The following ABHD12 variants were observed in gnomAD, a reference collection of about 807,000 sequenced individuals.
The protein encoded by ABHD12 is abhydrolase domain containing 12, lysophospholipase, also known as lysophosphatidylserine lipase ABHD12.
A neutral mutation model predicts 58.3 loss-of-function variants in ABHD12; 43 were observed. The ratio of observed to expected loss-of-function variants is 0.74; its 90% CI spans 0.58 to 0.95. The LOEUF is 0.95. Ranked by LOEUF, ABHD12 falls within the 40% of genes least tolerant of loss-of-function variation. The pLI, the probability that ABHD12 is intolerant of heterozygous loss-of-function variation, is 0.00. For missense variants in ABHD12, 539 were observed against 537.2 expected, an observed-to-expected ratio of 1.00 and a Z score of -0.03; for synonymous variants, 219 against 211.2, an observed-to-expected ratio of 1.04 and a Z score of -0.32.
chr20:25,310,046 G>A (rs1346027219), intron 6 of ABHD12, among the ~76,000 whole-genome samples: 1 of 152,170 alleles, frequency 6.6e-6, no homozygotes, highest in Non-Finnish European at 1.5e-5. Flanking sequence ...TGAGGTCTAA[G>A]GCAGTGAAAG....
chr20:25,367,277 G>A (rs1250215434), intron 1 of ABHD12, among the ~76,000 whole-genome samples: 1 of 152,108 alleles, frequency 6.6e-6, no homozygotes, highest in Non-Finnish European at 1.5e-5. Flanking sequence ...GTGTTCATAC[G>A]GTGACATGGA....
intron 11 of ABHD12, chr20:25,303,195 T>C: frequency 2.5e-6 from 3 of 1,189,154 alleles, no homozygotes; most frequent in Non-Finnish European, 3.2e-6. Flanking sequence ...CCATAACTGA[T>C]GAGCCCTTCC....
At chr20:25,375,561 C>T (rs576840969) in intron 1 of ABHD12, among the ~76,000 whole-genome samples, 1 of 152,280 alleles carries the variant, frequency 6.6e-6, no homozygotes, top group Admixed American at 6.5e-5. Flanking sequence ...ATTCTCAGCT[C>T]CACACCCACA....
chr20:25,368,692 G>A, intron 1 of ABHD12: 1 of 1,365,804 alleles, frequency 7.3e-7, no homozygotes, highest in East Asian at 2.4e-5. Flanking sequence ...AATCTTGTCT[G>A]CAAACAGGTT....
chr20:25,298,126 C>T (rs2088579293), downstream of ABHD12: 1 of 152,244 alleles, frequency 6.6e-6, no homozygotes, highest in Non-Finnish European at 1.5e-5. Context: ...AGGGATGAGA[C>T]CTGCAAGTGG....
intron 1 of ABHD12, among the ~76,000 whole-genome samples, chr20:25,373,345 A>C (rs959015688): frequency 6.6e-6 from 1 of 152,148 alleles, no homozygotes; most frequent in East Asian, 1.9e-4. Context: ...TCAGGAGTTC[A>C]AGACCGGCCT....
chr20:25,313,083 G>A (rs1418891545), intron 6 of ABHD12, among the ~76,000 whole-genome samples: 3 of 152,260 alleles, frequency 2.0e-5, no homozygotes, highest in Non-Finnish European at 2.9e-5. Context: ...TCTGGGAGGT[G>A]TACCCAACAG....
chr20:25,384,853 G>C (rs1356640770), intron 1 of ABHD12, among the ~76,000 whole-genome samples: 1 of 152,202 alleles, frequency 6.6e-6, no homozygotes, highest in Non-Finnish European at 1.5e-5. Flanking sequence ...ACAGGACAGG[G>C]TGTGGTAGCT....
intron 1 of ABHD12, among the ~76,000 whole-genome samples, chr20:25,353,595 T>C (rs887081309): frequency 6.6e-6 from 1 of 152,160 alleles, no homozygotes; most frequent in Non-Finnish European, 1.5e-5. Context: ...GGGCTGCTGC[T>C]GGGTTCACTT....
intron 2 of ABHD12, among the ~76,000 whole-genome samples, chr20:25,325,839 G>A (rs988602620): frequency 6.6e-6 from 1 of 152,150 alleles, no homozygotes; most frequent in African/African-American, 2.4e-5. Flanking sequence ...GGGAGGCCGA[G>A]GCAGGTGGAT....
downstream of ABHD12, chr20:25,297,612 T>C (rs1232136679): frequency 2.6e-5 from 4 of 152,360 alleles, no homozygotes. Context: ...CCTCACAGCC[T>C]TGCCCCTCCC....
At chr20:25,368,628 A>G in intron 1 of ABHD12, 1 of 1,374,846 alleles carries the variant, frequency 7.3e-7, no homozygotes, top group Non-Finnish European at 1.0e-6. Flanking sequence ...AACCCTTAAA[A>G]CCAAATCCTT....
chr20:25,327,008 C>T (rs570438892), intron 2 of ABHD12, among the ~76,000 whole-genome samples: 1 of 152,326 alleles, frequency 6.6e-6, no homozygotes, highest in Admixed American at 6.5e-5. Flanking sequence ...GGATCCCCAG[C>T]CATGCCTGTG....
downstream of ABHD12, among the ~76,000 whole-genome samples, chr20:25,296,201 G>C (rs151223737): frequency 3.3e-5 from 5 of 152,254 alleles, no homozygotes; most frequent in East Asian, 9.7e-4. Context: ...TTCCTGGTCC[G>C]TGGGGTCCCC....
At chr20:25,326,065 T>C (rs1232510120) in intron 2 of ABHD12, among the ~76,000 whole-genome samples, 2 of 125,524 alleles carry the variant, frequency 1.6e-5, no homozygotes, top group Admixed American at 1.9e-4. Context: ...AGTGAGACTC[T>C]GTCCAAAAAA....
chr20:25,314,954 C>T lies in ABHD12; in HGVS notation c.590G>A (p.Gly197Asp), dbSNP rs192637712. Residue 197 changes from glycine to aspartate, a missense_variant, in exon 6 of 13, where the codon GGT becomes GAT. Gly to Asp is a moderately conservative substitution (Grantham distance 94). Coordinates refer to ENST00000339157, the MANE Select transcript of ABHD12 (RefSeq NM_001042472.3). ...VELYKVLSSLGYHVVTFDYRG... is the reference protein window; with the variant it reads ...VELYKVLSSLDYHVVTFDYRG... ...GTAGTCAAAGGTGACCACATGGTAACCAAGGGAACTCAGCACCTGTAAAGT... is the reference window on the plus strand; with the variant it reads ...GTAGTCAAAGGTGACCACATGGTAATCAAGGGAACTCAGCACCTGTAAAGT... The T allele has an allele frequency of 6.2e-7, 1 of 1,614,188 alleles. No individual in the cohort carries two copies. Among genetic ancestry groups the T allele is most frequent in the African/African-American group, 1.3e-5 (1 of 75,056 alleles).
chr20:25,313,784 G>GCAAAACCAAAAC (rs59829383), intron 6 of ABHD12, among the ~76,000 whole-genome samples: 25 of 149,410 alleles, frequency 1.7e-4, no homozygotes, highest in African/African-American at 5.4e-4. Flanking sequence ...CTGTCTCAAA[G>GCAAAACCAAAAC]CAAAACCAAA....
intron 1 of ABHD12, among the ~76,000 whole-genome samples, chr20:25,365,425 T>A (rs1000038385): frequency 1.3e-5 from 2 of 152,308 alleles, no homozygotes; most frequent in South Asian, 2.1e-4. Context: ...TTTCTCCACA[T>A]CAATGCTTAC....
At chr20:25,322,244 G>A (rs1326178614) in intron 3 of ABHD12, among the ~76,000 whole-genome samples, 2 of 151,134 alleles carry the variant, frequency 1.3e-5, no homozygotes, top group Non-Finnish European at 2.9e-5. Context: ...GTAAACTTAT[G>A]GCTTAAAAAA....
Sources: gnomAD v4.1 joint callset for allele counts (sites outside exome capture counted in the v4.1 genomes callset) on GRCh38, gnomAD v4.1.1 for gene constraint, MANE v1.5 for transcripts, NCBI Gene and HGNC (gene_info 2026-07-23, HGNC 2026-07-21) for gene names.